GPC5: variants seen among roughly 807,000 people sequenced by gnomAD.
GPC5 encodes the protein glypican-5.
A neutral mutation model predicts 53.9 loss-of-function variants in GPC5; 47 were observed. The observed-to-expected ratio is 0.87, with a 90% CI of 0.69 to 1.11. The LOEUF is 1.11. Among genes scored for constraint, GPC5 ranks in the 50% most tolerant of loss-of-function variants. The pLI, the probability that GPC5 is intolerant of heterozygous loss-of-function variation, is 0.00. For synonymous variants in GPC5, 286 were observed against 263.3 expected, an observed-to-expected ratio of 1.09 and a Z score of -0.84; for missense variants, 748 against 713.1, an observed-to-expected ratio of 1.05 and a Z score of -0.56.
At chr13:91,433,662 C>T (rs1338693674) in intron 1 of GPC5, among the ~76,000 whole-genome samples, 6 of 151,808 alleles carry the variant, frequency 4.0e-5, no homozygotes, top group African/African-American at 7.3e-5. Flanking sequence ...AATAAACATA[C>T]GTGTGCATGT....
chr13:91,822,503 A>T (rs1337049770), intron 5 of GPC5, among the ~76,000 whole-genome samples: 1 of 152,198 alleles, frequency 6.6e-6, no homozygotes, highest in Non-Finnish European at 1.5e-5. Flanking sequence ...TTTCAAGATA[A>T]TATTAACATT....
intron 7 of GPC5, among the ~76,000 whole-genome samples, chr13:92,636,832 T>A (rs774593522): frequency 6.6e-6 from 1 of 152,162 alleles, no homozygotes; most frequent in Non-Finnish European, 1.5e-5. Flanking sequence ...CTCACGTGCA[T>A]CTAAAACTTA....
intron 1 of GPC5, among the ~76,000 whole-genome samples, chr13:91,443,338 A>C (rs1314354825): frequency 6.6e-6 from 1 of 152,164 alleles, no homozygotes; most frequent in Non-Finnish European, 1.5e-5. Context: ...TGCACAGAGA[A>C]ATGGCCATGT....
intron 6 of GPC5, among the ~76,000 whole-genome samples, chr13:92,012,583 T>C (rs1268938683): frequency 6.6e-6 from 1 of 152,178 alleles, no homozygotes; most frequent in Non-Finnish European, 1.5e-5. Context: ...ATTTGAATCT[T>C]TAGTCATGCA....
At chr13:92,028,752 G>C (rs560456048) in intron 6 of GPC5, among the ~76,000 whole-genome samples, 1 of 152,278 alleles carries the variant, frequency 6.6e-6, no homozygotes, top group Non-Finnish European at 1.5e-5. Flanking sequence ...GAATGAGATA[G>C]AGAGGAATGG....
intron 7 of GPC5, among the ~76,000 whole-genome samples, chr13:92,517,825 A>G (rs1566271125): frequency 6.6e-6 from 1 of 152,262 alleles, no homozygotes; most frequent in East Asian, 1.9e-4. Flanking sequence ...ACAAAGCTGG[A>G]CGGAGAATGA....
intron 7 of GPC5, among the ~76,000 whole-genome samples, chr13:92,250,409 T>C (rs1404877441): frequency 6.6e-6 from 1 of 152,158 alleles, no homozygotes; most frequent in African/African-American, 2.4e-5. Context: ...CTGACAGCTG[T>C]CACTGAATGT....
intron 2 of GPC5, among the ~76,000 whole-genome samples, chr13:91,580,451 A>T (rs1352293470): frequency 6.6e-6 from 1 of 152,176 alleles, no homozygotes; most frequent in Non-Finnish European, 1.5e-5. Flanking sequence ...TCTTGAATGA[A>T]ATTTTTAGCA....
chr13:92,691,168 C>A (rs567576545), intron 7 of GPC5, among the ~76,000 whole-genome samples: 5 of 101,210 alleles, frequency 4.9e-5, no homozygotes, highest in Admixed American at 2.4e-4. Context: ...CCCCCAGCCT[C>A]GTTGCCGCCT....
In GPC5 at chr13:92,646,291, C is replaced by A. The variant is rs116301910; in HGVS notation, c.1562-219991C>A. On this transcript the variant is annotated intron_variant, in intron 7 of 7. Transcript: ENST00000377067. ...GTTTGTAAAAAAGTCTCTTCTTTCA[C>A]CATTGAAAATCAATCATTGTAGAAT... Among the ~76,000 whole-genome samples the A allele has an allele frequency of 9.1e-3, 1,387 of 152,196 alleles. 21 individuals are homozygous for A. Among genetic ancestry groups the A allele is most frequent in the African/African-American group, 0.032 (1,313 of 41,538 alleles).
intron 6 of GPC5, among the ~76,000 whole-genome samples, chr13:91,936,225 A>C (rs1365713473): frequency 2.0e-5 from 3 of 152,038 alleles, no homozygotes; most frequent in Non-Finnish European, 1.5e-5. Flanking sequence ...CAAGCTTTGC[A>C]CTGAAGAGTG....
chr13:91,942,169 T>G (rs1172122272), intron 6 of GPC5, among the ~76,000 whole-genome samples: 1 of 152,116 alleles, frequency 6.6e-6, no homozygotes, highest in Non-Finnish European at 1.5e-5. Context: ...ATTGTTGGTC[T>G]TATTTATGTA....
At chr13:91,820,456 C>A (rs1053757208) in intron 5 of GPC5, among the ~76,000 whole-genome samples, 1 of 152,128 alleles carries the variant, frequency 6.6e-6, no homozygotes, top group African/African-American at 2.4e-5. Flanking sequence ...ACTCGGCCCT[C>A]ATTTTCTGCA....
chr13:92,518,284 A>G (rs1880875177), intron 7 of GPC5, among the ~76,000 whole-genome samples: 1 of 152,192 alleles, frequency 6.6e-6, no homozygotes, highest in Non-Finnish European at 1.5e-5. Context: ...GGATGCCACA[A>G]AGATACTCCT....
At chr13:91,920,435 T>A (rs1264327422) in intron 6 of GPC5, among the ~76,000 whole-genome samples, 1 of 152,168 alleles carries the variant, frequency 6.6e-6, no homozygotes, top group East Asian at 1.9e-4. Flanking sequence ...ATAATAAGAA[T>A]GTTGGAGAAC....
intron 6 of GPC5, among the ~76,000 whole-genome samples, chr13:91,952,187 C>A (rs1476301931): frequency 3.1e-5 from 3 of 97,328 alleles, no homozygotes; most frequent in African/African-American, 1.2e-4. Flanking sequence ...CTCTCTCTCT[C>A]TCTGTGTGTG....
At chr13:92,452,146 T>C (rs1246761353) in intron 7 of GPC5, among the ~76,000 whole-genome samples, 1 of 152,178 alleles carries the variant, frequency 6.6e-6, no homozygotes, top group Non-Finnish European at 1.5e-5. Context: ...GACTTTATTT[T>C]TAAAAACGAT....
At chr13:92,602,572 T>C (rs1178526194) in intron 7 of GPC5, among the ~76,000 whole-genome samples, 1 of 152,064 alleles carries the variant, frequency 6.6e-6, no homozygotes, top group Non-Finnish European at 1.5e-5. Flanking sequence ...CAGTGTAACC[T>C]CTTGCTTTTG....
At chr13:92,168,026 A>G in intron 7 of GPC5, among the ~76,000 whole-genome samples, 1 of 152,146 alleles carries the variant, frequency 6.6e-6, no homozygotes, top group East Asian at 1.9e-4. Context: ...TCACCAGGTG[A>G]GGGTCAAAAC....
Sources: gnomAD v4.1 joint callset for allele counts (sites outside exome capture counted in the v4.1 genomes callset) on GRCh38, gnomAD v4.1.1 for gene constraint, MANE v1.5 for transcripts, NCBI Gene and HGNC (gene_info 2026-07-23, HGNC 2026-07-21) for gene names.